The following TASP1 variants were observed in gnomAD, a reference collection of about 807,000 sequenced individuals.
TASP1 encodes threonine aspartase 1.
A neutral mutation model predicts 56.6 loss-of-function variants in TASP1; 16 were observed. The ratio of observed to expected loss-of-function variants is 0.28; its 90% CI spans 0.19 to 0.43. TASP1 has a LOEUF of 0.43. TASP1 is among the 20% of genes least tolerant of loss of function. TASP1 has a pLI of 1.00. For synonymous variants in TASP1, 179 were observed against 184.2 expected (o/e 0.97, Z 0.23); for missense variants, 393 against 511.6 (o/e 0.77, Z 2.24).
chr20:13,328,240 A>C, the TASP1 span, among the ~76,000 whole-genome samples: 1 of 152,212 alleles, frequency 6.6e-6, no homozygotes, highest in Non-Finnish European at 1.5e-5. Context: ...AGAACTGCAA[A>C]TTAAAACCAC....
the TASP1 span, among the ~76,000 whole-genome samples, chr20:13,174,158 C>T: frequency 6.6e-6 from 1 of 152,150 alleles, no homozygotes; most frequent in Non-Finnish European, 1.5e-5. Context: ...GGTAGGTTCT[C>T]ACCTTGTAGA....
intron 11 of TASP1, among the ~76,000 whole-genome samples, chr20:13,440,045 A>G (rs550112985): frequency 3.3e-5 from 5 of 152,312 alleles, no homozygotes; most frequent in African/African-American, 1.2e-4. Flanking sequence ...TCAAATGGGA[A>G]GAAAAGATCA....
chr20:13,618,559 C>T (rs2048603443), intron 4 of TASP1, among the ~76,000 whole-genome samples: 1 of 152,124 alleles, frequency 6.6e-6, no homozygotes, highest in African/African-American at 2.4e-5. Context: ...AAAGGACTTC[C>T]CTAGAGTTTA....
intron 10 of TASP1, among the ~76,000 whole-genome samples, chr20:13,502,197 T>C (rs906415661): frequency 6.6e-6 from 1 of 152,094 alleles, no homozygotes; most frequent in Non-Finnish European, 1.5e-5. Flanking sequence ...TCTCTTTATT[T>C]TGAAAAATAA....
chr20:13,371,269 G>C, the TASP1 span, among the ~76,000 whole-genome samples: 7 of 151,920 alleles, frequency 4.6e-5, no homozygotes, highest in Non-Finnish European at 7.4e-5. Context: ...TGTTGATATG[G>C]GATCTTTCTT....
intron 10 of TASP1, among the ~76,000 whole-genome samples, chr20:13,484,358 G>A (rs766952237): frequency 6.6e-6 from 1 of 152,158 alleles, no homozygotes; most frequent in Non-Finnish European, 1.5e-5. Flanking sequence ...ACATGCACCC[G>A]TATGTTTCTA....
intron 11 of TASP1, among the ~76,000 whole-genome samples, chr20:13,455,068 C>G (rs1015703699): frequency 6.6e-6 from 1 of 151,576 alleles, no homozygotes; most frequent in Non-Finnish European, 1.5e-5. Flanking sequence ...ATAAATAAAA[C>G]AAAAATAAGG....
intron 10 of TASP1, 35 bp downstream of exon 10, chr20:13,528,398 A>T: frequency 6.4e-6 from 10 of 1,567,704 alleles, no homozygotes; most frequent in Non-Finnish European, 8.7e-6. Flanking sequence ...GACAAGGTTG[A>T]AGTTATGAGA....
At chr20:13,329,359 G>A in the TASP1 span, among the ~76,000 whole-genome samples, 3 of 152,136 alleles carry the variant, frequency 2.0e-5, no homozygotes, top group Non-Finnish European at 1.5e-5. Flanking sequence ...AGAAGACCAG[G>A]TGAAGACAAA....
intron 4 of TASP1, among the ~76,000 whole-genome samples, chr20:13,603,413 A>C (rs1366196722): frequency 6.6e-6 from 1 of 151,252 alleles, no homozygotes; most frequent in African/African-American, 2.4e-5. Flanking sequence ...ATGGTGGTAC[A>C]CGCATGTAGT....
intron 11 of TASP1, among the ~76,000 whole-genome samples, chr20:13,438,897 A>T (rs1220110153): frequency 6.6e-6 from 1 of 152,254 alleles, no homozygotes; most frequent in South Asian, 2.1e-4. Context: ...CAAAAGACAC[A>T]TGAAAAAATG....
intron 7 of TASP1, among the ~76,000 whole-genome samples, chr20:13,563,568 C>A (rs1411400837): frequency 6.6e-6 from 1 of 151,564 alleles, no homozygotes; most frequent in African/African-American, 2.4e-5. Context: ...TACACTATGA[C>A]AAAGTGCAAT....
intron 11 of TASP1, among the ~76,000 whole-genome samples, chr20:13,445,003 G>A (rs1242357959): frequency 6.6e-6 from 1 of 152,174 alleles, no homozygotes; most frequent in African/African-American, 2.4e-5. Context: ...GGAGAGGAGA[G>A]TTGAATTGAA....
chr20:13,551,172 C>T (rs188986085), intron 8 of TASP1, among the ~76,000 whole-genome samples: 2 of 152,188 alleles, frequency 1.3e-5, no homozygotes, highest in East Asian at 3.9e-4. Flanking sequence ...GTTTTGAACA[C>T]ACAACATTGT....
intron 10 of TASP1, among the ~76,000 whole-genome samples, chr20:13,526,512 T>C (rs2044985802): frequency 6.6e-6 from 1 of 152,190 alleles, no homozygotes; most frequent in Non-Finnish European, 1.5e-5. Context: ...AATATTAAAT[T>C]AAAATTTAAA....
At chr20:13,206,438 C>A in the TASP1 span, among the ~76,000 whole-genome samples, 1 of 152,156 alleles carries the variant, frequency 6.6e-6, no homozygotes, top group Admixed American at 6.5e-5. Context: ...TAAATGCTGA[C>A]ACAAATACCC....
chr20:13,633,029 T>C (rs902933478), intron 1 of TASP1, among the ~76,000 whole-genome samples: 2 of 152,208 alleles, frequency 1.3e-5, no homozygotes, highest in Non-Finnish European at 2.9e-5. Context: ...CGGAGCTAAG[T>C]TGCTAGCGGC....
At chr20:13,302,091 A>G in the TASP1 span, among the ~76,000 whole-genome samples, 1 of 152,228 alleles carries the variant, frequency 6.6e-6, no homozygotes, top group Non-Finnish European at 1.5e-5. Context: ...CAAGAGTGGC[A>G]AGTTATGGAG....
the TASP1 span, among the ~76,000 whole-genome samples, chr20:13,378,435 G>A: frequency 2.6e-5 from 4 of 152,042 alleles, no homozygotes; most frequent in African/African-American, 9.7e-5. Flanking sequence ...TGTGGTCTGA[G>A]AGACTGTTTG....
Sources: allele counts gnomAD v4.1 joint callset (sites outside exome capture counted in the v4.1 genomes callset), GRCh38; gene constraint gnomAD v4.1.1; transcripts MANE v1.5; gene names NCBI Gene and HGNC (gene_info 2026-07-23, HGNC 2026-07-21).